Variants in IL2RB observed in about 807,000 individuals in gnomAD.
IL2RB encodes the protein interleukin-2 receptor subunit beta.
In IL2RB, 17 loss-of-function variants were observed where a neutral mutation model predicts 44.2. The observed-to-expected ratio is 0.38, with a 90% CI of 0.26 to 0.58. The LOEUF is 0.58. Among genes scored for constraint, IL2RB ranks in the 20% least tolerant of loss-of-function variants. The pLI, the probability that IL2RB is intolerant of heterozygous loss-of-function variation, is 0.63. For missense variants in IL2RB, 624 were observed against 685.5 expected (o/e 0.91, Z 1.00); for synonymous variants, 286 against 297.9 (o/e 0.96, Z 0.41).
chr22:37,137,471 G>A lies in IL2RB; in HGVS notation c.537+116C>T, dbSNP rs1921763464. 3.6e-6 allele frequency: 4 copies of A among 1,096,462 alleles called. No homozygotes were observed. In the Admixed American group the frequency reaches 7.7e-5, roughly 21 times the overall value. 67.9% of individuals were successfully genotyped at this position (1,096,462 alleles called of 1,614,324 possible). ...CAGTGCAGAAAGAGCACTGGACTCAGCCACCCACCATCCACCTGGGGCTGA... is the reference window on the plus strand; with the variant it reads ...CAGTGCAGAAAGAGCACTGGACTCAACCACCCACCATCCACCTGGGGCTGA... On this transcript the variant is annotated intron_variant, in intron 6 of 9. Transcript: ENST00000216223.
At chr22:37,161,072 G>A (rs544549747) in intron 1 of IL2RB, among the ~76,000 whole-genome samples, 3 of 152,326 alleles carry the variant, frequency 2.0e-5, no homozygotes, top group Admixed American at 1.3e-4. Context: ...ACCCCGGGAG[G>A]TGGAGGTTGC....
intron 6 of IL2RB, 81 bp from the exon 7 acceptor site, chr22:37,136,474 C>CCCT: frequency 7.0e-7 from 1 of 1,425,662 alleles, no homozygotes; most frequent in Non-Finnish European, 9.4e-7. Flanking sequence ...GAACCCCCCC[C>CCCT]CAACCCCTGC....
chr22:37,145,301 C>T (rs1922170856), intron 1 of IL2RB, among the ~76,000 whole-genome samples: 1 of 152,144 alleles, frequency 6.6e-6, no homozygotes, highest in Non-Finnish European at 1.5e-5. Context: ...CCAGGTTGGT[C>T]ACCCAGATTA....
chr22:37,163,491 A>G (rs1194502498), intron 1 of IL2RB, among the ~76,000 whole-genome samples: 1 of 152,210 alleles, frequency 6.6e-6, no homozygotes, highest in African/African-American at 2.4e-5. Context: ...CTGAGCAAGC[A>G]GGAACCAAAG....
chr22:37,133,921 C>G (rs548731213), intron 8 of IL2RB, among the ~76,000 whole-genome samples: 1 of 152,168 alleles, frequency 6.6e-6, no homozygotes, highest in Non-Finnish European at 1.5e-5. Flanking sequence ...GCTGTTTCCT[C>G]TGCCTGGGAC....
Position 37,141,004 on chromosome 22 carries a change from ACT to A in IL2RB, c.282+1428_282+1429del, listed in dbSNP as rs1438922766. ...CCCATCCGGAGTGGCCGCTGCTAAA[ACT>A]CTGGCTGCAGCCGGGAGGCGTAGCT... is the stretch of plus-strand genomic sequence containing the variant. On this transcript the variant is annotated intron_variant, in intron 4 of 9. Coordinates refer to ENST00000216223, the MANE Select transcript of IL2RB (RefSeq NM_000878.5). The surrounding 1 kb of genome is among the most constrained non-coding windows in gnomAD (Gnocchi z 4.4). 2.0e-5 allele frequency among the ~76,000 whole-genome samples: 3 copies of A among 151,732 alleles called. No homozygotes were observed. The highest frequency in any genetic ancestry group is 4.4e-5 in the Non-Finnish European group (3 of 67,908).
chr22:37,133,806 G>A (rs528479956), intron 8 of IL2RB, among the ~76,000 whole-genome samples: 1 of 152,312 alleles, frequency 6.6e-6, no homozygotes, highest in South Asian at 2.1e-4. Flanking sequence ...CCAGGCTCAA[G>A]TTCAGCCTCC....
At chr22:37,170,263 G>A (rs1335150055) in intron 1 of IL2RB, among the ~76,000 whole-genome samples, 1 of 152,186 alleles carries the variant, frequency 6.6e-6, no homozygotes, top group African/African-American at 2.4e-5. Context: ...GAAGTTTGGT[G>A]TTTGCCAAGG....
upstream of IL2RB, among the ~76,000 whole-genome samples, chr22:37,153,059 C>T (rs1043516898): frequency 6.6e-6 from 1 of 151,420 alleles, no homozygotes; most frequent in African/African-American, 2.4e-5. Flanking sequence ...CTCGGCTTCC[C>T]GAGTAGATGG....
intron 1 of IL2RB, among the ~76,000 whole-genome samples, chr22:37,170,344 G>A (rs1923237071): frequency 1.3e-5 from 2 of 152,146 alleles, no homozygotes. Flanking sequence ...ATCACAGAAG[G>A]TGCAGGTCCC....
At position 37,142,477 on chromosome 22, in the gene IL2RB, C is replaced by T. The variant is rs998550615; in HGVS notation, c.239G>A (p.Ser80Asn). Residue 80 changes from serine (S) to asparagine (N), a missense_variant, in exon 4 of 10, where the codon AGT becomes AAT. By Grantham distance (46) the Ser-to-Asn change is conservative. Around this residue, in one of 3 missense-constraint regions of IL2RB, gnomAD observed 255 missense variants for 339.9 expected, o/e 0.75. Transcript: ENST00000216223. ...WNQTCELLPVSQASWACNLIL... is the reference protein window; with the variant it reads ...WNQTCELLPVNQASWACNLIL... ...CAGGTTGCAGGCCCAGGATGCTTGA[C>T]TCACGGGGAGCAGCTCACAGGTTTG... 1.2e-6 allele frequency: 2 copies of T among 1,614,054 alleles called. No homozygotes were observed. Among genetic ancestry groups the T allele is most frequent in the African/African-American group, 2.7e-5 (2 of 74,924 alleles).
intron 1 of IL2RB, among the ~76,000 whole-genome samples, chr22:37,172,215 T>TAAAAAAAA (rs63579164): frequency 1.9e-5 from 2 of 104,508 alleles, no homozygotes; most frequent in African/African-American, 6.5e-5. Context: ...AAAGGTAAAG[T>TAAAAAAAA]AAAAAAAAAA....
chr22:37,143,778 C>T, intron 2 of IL2RB, 143 bp from the exon 3 acceptor site: 2 of 683,558 alleles, frequency 2.9e-6, no homozygotes, highest in Non-Finnish European at 5.2e-6. Flanking sequence ...GATTCATGGA[C>T]CCACTTCAGA....
At chr22:37,160,721 T>C (rs1266616781) in intron 1 of IL2RB, among the ~76,000 whole-genome samples, 2 of 136 alleles carry the variant, frequency 0.015, no homozygotes, top group African/African-American at 0.042. Context: ...TGGTGGTGCA[T>C]GCCTGTAATT....
chr22:37,161,434 A>G, intron 1 of IL2RB, among the ~76,000 whole-genome samples: 1 of 152,168 alleles, frequency 6.6e-6, no homozygotes, highest in East Asian at 1.9e-4. Context: ...TACCCTAACC[A>G]GTAAGCTGAA....
intron 9 of IL2RB, among the ~76,000 whole-genome samples, chr22:37,132,044 C>G (rs565857797): frequency 2.0e-5 from 3 of 152,224 alleles, no homozygotes; most frequent in Non-Finnish European, 4.4e-5. Flanking sequence ...TGATAGGGTT[C>G]TTTTGAACAC....
chr22:37,132,370 C>A lies in IL2RB; in HGVS notation c.903+14G>T. The A allele has an allele frequency of 6.2e-7, 1 of 1,610,944 alleles. No individual in the cohort carries two copies. Among genetic ancestry groups the A allele is most frequent in the Non-Finnish European group, 8.5e-7 (1 of 1,177,542 alleles). ...ACCCCTGCCCACCTCTGTCTCCCCG[C>A]CCCGGCCTCCTACCTGGACGTCTCC... On this transcript the variant is annotated intron_variant, in intron 9 of 9. Transcript: ENST00000216223.
intron 6 of IL2RB, 77 bp from the exon 7 acceptor site, chr22:37,136,470 C>A (rs1311520947): frequency 1.4e-6 from 2 of 1,443,202 alleles, no homozygotes; most frequent in South Asian, 1.3e-5. Flanking sequence ...CACAGAACCC[C>A]CCCCCAACCC....
chr22:37,137,807 T>TC, intron 5 of IL2RB, 72 bp from the exon 6 acceptor site: 2 of 1,392,994 alleles, frequency 1.4e-6, no homozygotes, highest in Non-Finnish European at 1.0e-6. Flanking sequence ...CTGCCACTCC[T>TC]CCCTCCTGGC....
Sources: allele counts gnomAD v4.1 joint callset (sites outside exome capture counted in the v4.1 genomes callset), GRCh38; gene constraint gnomAD v4.1.1; regional missense constraint gnomAD v4.1.1; non-coding constraint Gnocchi (gnomAD v3.1); transcripts MANE v1.5; gene names NCBI Gene and HGNC (gene_info 2026-07-23, HGNC 2026-07-21).